Variants in WDR49 observed in about 807,000 individuals in gnomAD.
WDR49 encodes cilia- and flagella-associated protein 337.
In WDR49, 107 loss-of-function variants were observed where a neutral mutation model predicts 119.5. The ratio of observed to expected loss-of-function variants is 0.90; its 90% CI spans 0.77 to 1.05. The LOEUF (loss-of-function observed/expected upper bound fraction) is 1.05. WDR49 is among the 50% of genes least tolerant of loss of function. The pLI is 0.00. For synonymous variants in WDR49, 425 were observed against 418.8 expected, an observed-to-expected ratio of 1.01 and a Z score of -0.18; for missense variants, 1,240 against 1,220.5, an observed-to-expected ratio of 1.02 and a Z score of -0.24.
At chr3:167,593,973 T>G (rs2108298300) in intron 7 of WDR49, among the ~76,000 whole-genome samples, 1 of 152,300 alleles carries the variant, frequency 6.6e-6, no homozygotes, top group East Asian at 1.9e-4. Context: ...TTGCTTCCCC[T>G]TCACCTTCTT....
intron 17 of WDR49, 75 bp downstream of exon 17, chr3:167,505,232 C>T: frequency 1.5e-6 from 2 of 1,296,146 alleles, no homozygotes; most frequent in Non-Finnish European, 2.0e-6. Context: ...TCCTGACACA[C>T]AGAGTAGACA....
intron 17 of WDR49, among the ~76,000 whole-genome samples, chr3:167,504,602 A>G (rs1751697816): frequency 1.3e-5 from 2 of 152,146 alleles, no homozygotes; most frequent in Non-Finnish European, 2.9e-5. Context: ...TGAACTTTGT[A>G]CTTTTAAGTT....
At chr3:167,562,001 T>A (rs974218412) in intron 8 of WDR49, among the ~76,000 whole-genome samples, 1 of 151,764 alleles carries the variant, frequency 6.6e-6, no homozygotes, top group East Asian at 1.9e-4. Flanking sequence ...GGGACAAATA[T>A]GGTGGGATAT....
chr3:167,622,949 A>T (rs1716938967), intron 3 of WDR49, among the ~76,000 whole-genome samples: 1 of 152,120 alleles, frequency 6.6e-6, no homozygotes, highest in East Asian at 1.9e-4. Flanking sequence ...ACATGGAAAT[A>T]AAACAACACA....
chr3:167,629,291 A>G lies in WDR49; in HGVS notation c.166-1999T>C, dbSNP rs532454569. On this transcript the variant is annotated intron_variant, in intron 2 of 18. Transcript: ENST00000682715. ...GAAATAACAAAGCCTGAATTACAGC[A>G]CATCTGTTTACAGCATGGTTTATTG... is the stretch of plus-strand genomic sequence containing the variant. Among the ~76,000 whole-genome samples the G allele has an allele frequency of 1.1e-4, 16 of 152,174 alleles. No individual in the cohort carries two copies. In the South Asian group the frequency reaches 3.3e-3, roughly 32 times the overall value.
chr3:167,626,006 T>C (rs1717114862), intron 3 of WDR49, among the ~76,000 whole-genome samples: 1 of 151,978 alleles, frequency 6.6e-6, no homozygotes, highest in African/African-American at 2.4e-5. Flanking sequence ...TTGGACCTTA[T>C]TCAGATCTTC....
At chr3:167,509,238 G>T (rs775323957) in intron 16 of WDR49, among the ~76,000 whole-genome samples, 23 of 152,140 alleles carry the variant, frequency 1.5e-4, no homozygotes, top group Non-Finnish European at 3.4e-4. Flanking sequence ...TCTAGAATAA[G>T]AATGAAGATC....
intron 2 of WDR49, among the ~76,000 whole-genome samples, chr3:167,645,773 T>G (rs986392901): frequency 1.1e-4 from 17 of 152,164 alleles, no homozygotes; most frequent in Admixed American, 1.0e-3. Flanking sequence ...GAATCTATGT[T>G]GCGATTCTCT....
At chr3:167,576,229 C>T (rs1486988355) in intron 7 of WDR49, 78 bp from the exon 8 acceptor site, 2 of 1,192,208 alleles carry the variant, frequency 1.7e-6, no homozygotes, top group East Asian at 5.1e-5. Context: ...TTCTAGCTCA[C>T]CCTCAATACC....
At chr3:167,603,965 T>C (rs1260889524) in intron 6 of WDR49, among the ~76,000 whole-genome samples, 1 of 152,064 alleles carries the variant, frequency 6.6e-6, no homozygotes, top group Non-Finnish European at 1.5e-5. Context: ...TTTGTTTGGG[T>C]GGAGCATTTG....
intron 5 of WDR49, among the ~76,000 whole-genome samples, chr3:167,617,594 G>A (rs1422864556): frequency 6.6e-6 from 1 of 152,088 alleles, no homozygotes; most frequent in Non-Finnish European, 1.5e-5. Flanking sequence ...TTTAGTTGCA[G>A]AATCTGGGGT....
chr3:167,503,728 G>A (rs1751662820), intron 17 of WDR49, among the ~76,000 whole-genome samples: 1 of 152,174 alleles, frequency 6.6e-6, no homozygotes, highest in Non-Finnish European at 1.5e-5. Context: ...AGCAGTGGTG[G>A]AGGGCGACTG....
intron 10 of WDR49, among the ~76,000 whole-genome samples, chr3:167,546,581 A>C (rs1176141163): frequency 6.6e-6 from 1 of 151,702 alleles, no homozygotes; most frequent in Non-Finnish European, 1.5e-5. Context: ...TATCACAACT[A>C]CTGCTACTGA....
chr3:167,557,044 A>C (rs944521057), intron 9 of WDR49, among the ~76,000 whole-genome samples: 2 of 151,942 alleles, frequency 1.3e-5, no homozygotes, highest in African/African-American at 2.4e-5. Flanking sequence ...AACAAACAAA[A>C]AAATTAGCCG....
intron 7 of WDR49, among the ~76,000 whole-genome samples, chr3:167,600,389 G>A (rs1295437916): frequency 6.6e-6 from 1 of 152,140 alleles, no homozygotes; most frequent in Admixed American, 6.5e-5. Flanking sequence ...AAGGGAAGGG[G>A]TGGCATTGGT....
At chr3:167,640,276 G>T (rs1056871742) in intron 2 of WDR49, among the ~76,000 whole-genome samples, 2 of 151,884 alleles carry the variant, frequency 1.3e-5, no homozygotes, top group Non-Finnish European at 2.9e-5. Flanking sequence ...CTCTTCTATT[G>T]TTATTCTCTC....
At chr3:167,617,023 T>A (rs1716628841) in intron 5 of WDR49, among the ~76,000 whole-genome samples, 2 of 152,058 alleles carry the variant, frequency 1.3e-5, no homozygotes, top group South Asian at 2.1e-4. Flanking sequence ...GGTACAGAAA[T>A]TGGTAGGTTT....
At chr3:167,536,799 G>T (rs1386866898) in intron 11 of WDR49, 71 bp downstream of exon 11, 2 of 1,305,560 alleles carry the variant, frequency 1.5e-6, no homozygotes, top group Non-Finnish European at 2.0e-6. Flanking sequence ...CTTTTCTAAA[G>T]GTGAGTGAGC....
At chr3:167,561,671 G>A (rs183828658) in intron 8 of WDR49, among the ~76,000 whole-genome samples, 13 of 152,228 alleles carry the variant, frequency 8.5e-5, no homozygotes, top group Admixed American at 3.3e-4. Context: ...GTCTGGAATT[G>A]AAGATGGAGA....
Sources: gnomAD v4.1 joint callset for allele counts (sites outside exome capture counted in the v4.1 genomes callset) on GRCh38, gnomAD v4.1.1 for gene constraint, MANE v1.5 for transcripts, NCBI Gene and HGNC (gene_info 2026-07-23, HGNC 2026-07-21) for gene names.